RUNDC3B: variants seen among roughly 807,000 people sequenced by gnomAD.
RUNDC3B encodes RUN domain containing 3B.
A neutral mutation model predicts 58.4 loss-of-function variants in RUNDC3B; 33 were observed. The ratio of observed to expected loss-of-function variants is 0.56; its 90% CI spans 0.43 to 0.75. The LOEUF is 0.75. Among genes scored for constraint, RUNDC3B ranks in the 30% least tolerant of loss-of-function variants. The pLI is 0.00. For missense variants in RUNDC3B, 501 were observed against 535.7 expected, an observed-to-expected ratio of 0.94 and a Z score of 0.64; for synonymous variants, 193 against 195.2, an observed-to-expected ratio of 0.99 and a Z score of 0.10.
chr7:87,759,539 A>G (rs1833562430), intron 6 of RUNDC3B, among the ~76,000 whole-genome samples: 1 of 152,056 alleles, frequency 6.6e-6, no homozygotes, highest in South Asian at 2.1e-4. Flanking sequence ...GCTCATGCCT[A>G]TAATCCCAGT....
intron 8 of RUNDC3B, among the ~76,000 whole-genome samples, chr7:87,792,553 T>C (rs1430509707): frequency 6.6e-6 from 1 of 151,926 alleles, no homozygotes; most frequent in African/African-American, 2.4e-5. Context: ...AAATCAATAA[T>C]GAGAAATTTT....
intron 1 of RUNDC3B, among the ~76,000 whole-genome samples, chr7:87,647,188 T>A (rs932688458): frequency 6.6e-6 from 1 of 152,228 alleles, no homozygotes; most frequent in Non-Finnish European, 1.5e-5. Flanking sequence ...TAGGGTGGCA[T>A]TTCTGAAAGT....
At position 87,797,967 on chromosome 7, in the gene RUNDC3B, C is replaced by T. The variant is rs997806989; in HGVS notation, c.957-9406C>T. ...GTGACAGCAGCTGAATCAAAATACA[C>T]GAATACAGTCAAATACTACAAGCCA... On this transcript the variant is annotated intron_variant, in intron 8 of 10. Coordinates refer to ENST00000394654, the MANE Select transcript of RUNDC3B (RefSeq NM_001134405.2). Among the ~76,000 whole-genome samples the T allele has an allele frequency of 7.9e-5, 12 of 152,300 alleles. No homozygotes were observed. In the East Asian group the frequency reaches 2.1e-3, roughly 27 times the overall value.
At chr7:87,657,408 C>T (rs1824215240) in intron 2 of RUNDC3B, among the ~76,000 whole-genome samples, 1 of 152,062 alleles carries the variant, frequency 6.6e-6, no homozygotes, top group Non-Finnish European at 1.5e-5. Context: ...AAACATCACA[C>T]AAAAAAACCG....
At chr7:87,656,734 G>GT (rs1563108445) in intron 2 of RUNDC3B, among the ~76,000 whole-genome samples, 1 of 152,006 alleles carries the variant, frequency 6.6e-6, no homozygotes. Context: ...CAATTGATTT[G>GT]TTTTTTAACT....
At chr7:87,773,024 A>G (rs1284360884) in intron 7 of RUNDC3B, among the ~76,000 whole-genome samples, 2 of 150,812 alleles carry the variant, frequency 1.3e-5, no homozygotes, top group African/African-American at 5.0e-5. Context: ...TGCTTTTTTT[A>G]AAAAGTAAGC....
intron 3 of RUNDC3B, 114 bp from the exon 4 acceptor site, chr7:87,710,456 A>T: frequency 1.6e-6 from 1 of 635,570 alleles, no homozygotes; most frequent in Non-Finnish European, 2.8e-6. Context: ...CTTAGTCGTT[A>T]TCAAATGTAT....
chr7:87,750,901 A>G (rs921354129), intron 6 of RUNDC3B, among the ~76,000 whole-genome samples: 2 of 151,872 alleles, frequency 1.3e-5, no homozygotes, highest in African/African-American at 2.4e-5. Context: ...TCATTTGTCA[A>G]TTTTGGCTTT....
intron 4 of RUNDC3B, among the ~76,000 whole-genome samples, chr7:87,716,552 T>C (rs1202936197): frequency 6.6e-6 from 1 of 152,202 alleles, no homozygotes; most frequent in African/African-American, 2.4e-5. Flanking sequence ...CTGTTTTATG[T>C]TTCTTTTCTA....
chr7:87,713,646 TAAAAA>T (rs527802276), intron 4 of RUNDC3B, among the ~76,000 whole-genome samples: 1 of 97,956 alleles, frequency 1.0e-5, no homozygotes, highest in African/African-American at 3.8e-5. Context: ...GAATCTAAGC[TAAAAA>T]AAAAAAAAAA....
At chr7:87,783,155 A>G (rs985330199) in intron 8 of RUNDC3B, among the ~76,000 whole-genome samples, 14 of 150,428 alleles carry the variant, frequency 9.3e-5, no homozygotes, top group African/African-American at 2.9e-4. Context: ...GTGTGTGTGT[A>G]TGTGTGTGTG....
intron 2 of RUNDC3B, among the ~76,000 whole-genome samples, chr7:87,651,634 T>C (rs1317239689): frequency 6.6e-6 from 1 of 152,162 alleles, no homozygotes; most frequent in African/African-American, 2.4e-5. Flanking sequence ...AAGTTTTTTA[T>C]TATCTTTACA....
At chr7:87,642,168 ATC>A (rs1822524637) in intron 1 of RUNDC3B, among the ~76,000 whole-genome samples, 1 of 151,946 alleles carries the variant, frequency 6.6e-6, no homozygotes, top group Non-Finnish European at 1.5e-5. Context: ...ACCCAAATAT[ATC>A]TGGTTTCAAA....
intron 8 of RUNDC3B, among the ~76,000 whole-genome samples, chr7:87,804,677 T>C (rs1030468677): frequency 3.9e-5 from 6 of 152,156 alleles, no homozygotes; most frequent in African/African-American, 1.2e-4. Flanking sequence ...AATTGACTTA[T>C]AGATAAGTGA....
chr7:87,665,784 G>A (rs1045138348), intron 2 of RUNDC3B, among the ~76,000 whole-genome samples: 1 of 151,938 alleles, frequency 6.6e-6, no homozygotes, highest in African/African-American at 2.4e-5. Context: ...AAGTGATAAC[G>A]TGTGATATTT....
At chr7:87,711,387 A>G (rs1366084608) in intron 4 of RUNDC3B, among the ~76,000 whole-genome samples, 1 of 151,876 alleles carries the variant, frequency 6.6e-6, no homozygotes, top group South Asian at 2.1e-4. Flanking sequence ...ATAATTAGTT[A>G]TTGCTTATCT....
intron 8 of RUNDC3B, among the ~76,000 whole-genome samples, chr7:87,804,547 C>T (rs1321580171): frequency 1.3e-5 from 2 of 152,034 alleles, no homozygotes; most frequent in Non-Finnish European, 2.9e-5. Flanking sequence ...GAGGTAGATA[C>T]CACGGGGAAG....
intron 10 of RUNDC3B, among the ~76,000 whole-genome samples, chr7:87,823,409 T>G (rs187501672): frequency 6.7e-6 from 1 of 148,844 alleles, no homozygotes; most frequent in South Asian, 2.1e-4. Flanking sequence ...ATTTTTTATT[T>G]TTATTTTTTT....
chr7:87,734,476 C>T (rs1036301590), intron 4 of RUNDC3B, among the ~76,000 whole-genome samples: 1 of 152,130 alleles, frequency 6.6e-6, no homozygotes, highest in African/African-American at 2.4e-5. Context: ...GTCTCCTCAT[C>T]CTCAATCTCT....
Sources: allele counts gnomAD v4.1 joint callset (sites outside exome capture counted in the v4.1 genomes callset), GRCh38; gene constraint gnomAD v4.1.1; transcripts MANE v1.5; gene names NCBI Gene and HGNC (gene_info 2026-07-23, HGNC 2026-07-21).